The following VWA3B variants were observed in gnomAD, a reference collection of about 807,000 sequenced individuals.
The protein encoded by VWA3B is von Willebrand factor A domain containing 3B.
Under a neutral mutation model 158.3 loss-of-function variants are expected in VWA3B, and 138 were observed. That is an observed-to-expected ratio of 0.87 (90% confidence interval 0.76 to 1.00). VWA3B has a LOEUF of 1.00. Among genes scored for constraint, VWA3B ranks in the 50% least tolerant of loss-of-function variants. The pLI is 0.00. For missense variants in VWA3B, 1,555 were observed against 1,565.1 expected (o/e 0.99, Z 0.11); for synonymous variants, 596 against 587.3 (o/e 1.01, Z -0.21).
intron 15 of VWA3B, among the ~76,000 whole-genome samples, chr2:98,228,709 C>G (rs201098651): frequency 6.6e-6 from 1 of 152,144 alleles, no homozygotes; most frequent in East Asian, 1.9e-4. Context: ...CTCTCCACGC[C>G]TCTCCATTGC....
chr2:98,118,860 GCA>G (rs1274602591), intron 3 of VWA3B, among the ~76,000 whole-genome samples: 2 of 152,212 alleles, frequency 1.3e-5, no homozygotes, highest in Non-Finnish European at 2.9e-5. Context: ...GAAAGGCCTT[GCA>G]CAGTGTGTCT....
chr2:98,271,518 C>T (rs774794427), intron 22 of VWA3B, among the ~76,000 whole-genome samples: 2 of 152,132 alleles, frequency 1.3e-5, no homozygotes, highest in Non-Finnish European at 2.9e-5. Context: ...ATTGTATATT[C>T]TGCTTTTAAA....
At chr2:98,091,053 T>C (rs948328327) in intron 1 of VWA3B, among the ~76,000 whole-genome samples, 2 of 152,204 alleles carry the variant, frequency 1.3e-5, no homozygotes, top group African/African-American at 4.8e-5. Context: ...AGCCTCATTA[T>C]CTTTAAAAGT....
rs548526653 is a variant in VWA3B at position 98,295,874 on chromosome 2, G to A, written c.3158-2033G>A. 3.3e-5 allele frequency among the ~76,000 whole-genome samples: 5 copies of A among 152,354 alleles called. No individual in the cohort carries two copies. In the East Asian group the frequency reaches 9.6e-4, roughly 29 times the overall value. On this transcript the variant is annotated intron_variant, in intron 23 of 27. Transcript: ENST00000477737. Reference sequence around the variant, plus strand: ...GCAGTGGTGGGACAGGCCAGTCCTGGGCCCTACAGCTGCCCAGAGTGAGGC... The same window carrying A: ...GCAGTGGTGGGACAGGCCAGTCCTGAGCCCTACAGCTGCCCAGAGTGAGGC...
intron 22 of VWA3B, among the ~76,000 whole-genome samples, chr2:98,275,528 G>A (rs1345119929): frequency 6.6e-6 from 1 of 152,198 alleles, no homozygotes; most frequent in African/African-American, 2.4e-5. Flanking sequence ...CACACAGCTG[G>A]AAGATGGCAG....
intron 9 of VWA3B, among the ~76,000 whole-genome samples, chr2:98,186,407 C>T (rs575576389): frequency 3.3e-5 from 5 of 152,182 alleles, no homozygotes; most frequent in Admixed American, 6.5e-5. Context: ...TCCAGCCCCG[C>T]GGCCTACCCT....
chr2:98,256,288 G>T (rs773307841), intron 21 of VWA3B, 114 bp downstream of exon 21: 9 of 1,179,546 alleles, frequency 7.6e-6, no homozygotes, highest in Non-Finnish European at 1.1e-5. Flanking sequence ...AAAATGTTCT[G>T]CAAACCACTA....
chr2:98,160,312 G>GT (rs550722764), intron 7 of VWA3B, among the ~76,000 whole-genome samples: 1,682 of 152,182 alleles, frequency 0.011, 18 homozygotes, highest in Middle Eastern at 0.031. Flanking sequence ...CTTTTTCACT[G>GT]TTTTTTTGTT....
intron 7 of VWA3B, among the ~76,000 whole-genome samples, chr2:98,135,684 A>G (rs559859436): frequency 6.6e-6 from 1 of 152,252 alleles, no homozygotes; most frequent in African/African-American, 2.4e-5. Flanking sequence ...GTTGTTCTCA[A>G]TCCATTTCAG....
At chr2:98,115,799 A>C in intron 3 of VWA3B, 53 bp downstream of exon 3, 1 of 1,435,792 alleles carries the variant, frequency 7.0e-7, no homozygotes, top group Non-Finnish European at 9.8e-7. Context: ...CTGACATCAC[A>C]TCGGAGAGTG....
At chr2:98,182,228 C>T (rs757931158) in intron 9 of VWA3B, among the ~76,000 whole-genome samples, 7 of 152,276 alleles carry the variant, frequency 4.6e-5, no homozygotes, top group Admixed American at 4.6e-4. Flanking sequence ...TTGAAGGCTC[C>T]GATTCAAAGT....
intron 22 of VWA3B, among the ~76,000 whole-genome samples, chr2:98,285,285 G>A (rs1011654860): frequency 1.3e-5 from 2 of 151,976 alleles, no homozygotes; most frequent in African/African-American, 2.4e-5. Flanking sequence ...ATAAACGGCT[G>A]GATAATATTC....
intron 8 of VWA3B, among the ~76,000 whole-genome samples, chr2:98,176,022 C>T (rs893193736): frequency 2.0e-5 from 3 of 152,212 alleles, no homozygotes; most frequent in South Asian, 2.1e-4. Context: ...CTCTCTCACA[C>T]CACACTGTCG....
intron 23 of VWA3B, among the ~76,000 whole-genome samples, chr2:98,296,417 G>C (rs944428175): frequency 1.3e-5 from 2 of 152,166 alleles, no homozygotes; most frequent in African/African-American, 2.4e-5. Flanking sequence ...GTAGAAATGT[G>C]TGAATAATGT....
At chr2:98,254,474 C>T (rs1304549362) in intron 20 of VWA3B, among the ~76,000 whole-genome samples, 1 of 152,156 alleles carries the variant, frequency 6.6e-6, no homozygotes, top group Non-Finnish European at 1.5e-5. Context: ...ATCTTGGAAG[C>T]CTTAATCATT....
chr2:98,223,946 T>C (rs1456674156), intron 14 of VWA3B, among the ~76,000 whole-genome samples: 1 of 152,176 alleles, frequency 6.6e-6, no homozygotes, highest in Non-Finnish European at 1.5e-5. Flanking sequence ...CAGGCTGGTC[T>C]TGAACTCCTG....
intron 2 of VWA3B, among the ~76,000 whole-genome samples, chr2:98,113,376 G>C (rs1346893594): frequency 6.6e-6 from 1 of 151,898 alleles, no homozygotes; most frequent in African/African-American, 2.4e-5. Flanking sequence ...ATGAAAAGTT[G>C]GCCCTCTGTA....
chr2:98,241,437 C>G (rs1033775517), intron 19 of VWA3B, among the ~76,000 whole-genome samples: 3 of 151,508 alleles, frequency 2.0e-5, no homozygotes, highest in African/African-American at 7.3e-5. Flanking sequence ...AGTCAGGAGG[C>G]AGTTGGGGAG....
At chr2:98,280,815 A>T (rs1324538161) in intron 22 of VWA3B, among the ~76,000 whole-genome samples, 3 of 152,130 alleles carry the variant, frequency 2.0e-5, no homozygotes, top group African/African-American at 7.2e-5. Context: ...AAGGAAGGGG[A>T]TCAAAACCCC....
Sources: gnomAD v4.1 joint callset for allele counts (sites outside exome capture counted in the v4.1 genomes callset) on GRCh38, gnomAD v4.1.1 for gene constraint, MANE v1.5 for transcripts, NCBI Gene and HGNC (gene_info 2026-07-23, HGNC 2026-07-21) for gene names.